The following RYR2 variants were observed in gnomAD, a reference collection of about 807,000 sequenced individuals.
The protein encoded by RYR2 is cardiac muscle ryanodine receptor-calcium release channel.
RYR2 carries 227 observed loss-of-function variants against 601.1 expected under a neutral mutation model. The observed-to-expected ratio is 0.38, with a 90% CI of 0.34 to 0.42. The LOEUF (loss-of-function observed/expected upper bound fraction) is 0.42, where lower values mean the gene tolerates loss of function less well. Among genes scored for constraint, RYR2 ranks in the 10% least tolerant of loss-of-function variants. The pLI is 1.00. For synonymous variants in RYR2, 2,223 were observed against 2,175.1 expected (o/e 1.02, Z -0.61); for missense variants, 4,646 against 6,156.5 (o/e 0.75, Z 8.21).
chr1:237,327,236 G>T (rs1326081774), intron 2 of RYR2, among the ~76,000 whole-genome samples: 1 of 152,092 alleles, frequency 6.6e-6, no homozygotes, highest in Non-Finnish European at 1.5e-5. Context: ...GCATGGTGAA[G>T]ATGACTCAGA....
chr1:237,334,437 T>TAA, intron 3 of RYR2, among the ~76,000 whole-genome samples: 1 of 121,084 alleles, frequency 8.3e-6, no homozygotes, highest in Non-Finnish European at 1.8e-5. Flanking sequence ...TCTGTTTAAT[T>TAA]AAAATATATA....
Position 237,458,573 on chromosome 1 carries a change from T to C in RYR2, c.1612+1838T>C, listed in dbSNP as rs374724132. Among the ~76,000 whole-genome samples the C allele has an allele frequency of 1.6e-4, 24 of 152,322 alleles. No individual in the cohort carries two copies. In the East Asian group the frequency reaches 3.9e-3, roughly 25 times the overall value. Reference sequence around the variant, plus strand: ...ATTTCTTATTTAGTTATAAGTGTGATTGATTTCTAAGGCAAGAATAGCACC... The same window carrying C: ...ATTTCTTATTTAGTTATAAGTGTGACTGATTTCTAAGGCAAGAATAGCACC... On this transcript the variant is annotated intron_variant, in intron 16 of 104. Coordinates refer to ENST00000366574, the MANE Select transcript of RYR2 (RefSeq NM_001035.3).
At chr1:237,525,984 A>ATAAT (rs141675986) in intron 24 of RYR2, among the ~76,000 whole-genome samples, 5 of 150,942 alleles carry the variant, frequency 3.3e-5, no homozygotes, top group Admixed American at 6.6e-5. Flanking sequence ...CCTCAAAAAA[A>ATAAT]AAAAATAATA....
At chr1:237,175,915 C>G (rs767387344) in intron 1 of RYR2, among the ~76,000 whole-genome samples, 1 of 152,102 alleles carries the variant, frequency 6.6e-6, no homozygotes, top group Non-Finnish European at 1.5e-5. Context: ...ACATTGTAGA[C>G]GTGATGTGTT....
intron 10 of RYR2, among the ~76,000 whole-genome samples, chr1:237,392,952 T>C (rs1702506690): frequency 6.6e-6 from 1 of 152,220 alleles, no homozygotes; most frequent in Non-Finnish European, 1.5e-5. Flanking sequence ...TCAAGAAGTT[T>C]ACATTCTAGT....
chr1:237,175,480 A>T (rs1023344718), intron 1 of RYR2, among the ~76,000 whole-genome samples: 1 of 151,896 alleles, frequency 6.6e-6, no homozygotes, highest in Admixed American at 6.6e-5. Flanking sequence ...TTTTCAGTGT[A>T]TGTCTGTCTC....
chr1:237,477,211 C>T (rs966961342), intron 17 of RYR2, among the ~76,000 whole-genome samples: 2 of 151,976 alleles, frequency 1.3e-5, no homozygotes, highest in South Asian at 2.1e-4. Context: ...GCCAACAAGG[C>T]GAAACCTCGT....
intron 17 of RYR2, among the ~76,000 whole-genome samples, chr1:237,488,044 G>A (rs1184950232): frequency 2.0e-5 from 3 of 152,026 alleles, no homozygotes; most frequent in African/African-American, 7.2e-5. Flanking sequence ...TGCACTTTGT[G>A]ACATACGCTA....
In RYR2 at chr1:237,176,249, AT is replaced by A. The variant is rs1348598807; in HGVS notation, c.49-94247del. Among the ~76,000 whole-genome samples, 29 of 120,324 alleles carry A rather than the reference AT, an allele frequency of 2.4e-4. No individual in the cohort carries two copies. The Middle Eastern group carries it at 0.012, about 49-fold the overall frequency. 78.9% of individuals were successfully genotyped at this position (120,324 alleles called of 152,430 possible). ...AAGACTCTGTCTCTTAATGAAAAAAATATATATATATATATAAAAAATGAAA... is the reference window on the plus strand; with the variant it reads ...AAGACTCTGTCTCTTAATGAAAAAAAATATATATATATATAAAAAATGAAA... On this transcript the variant is annotated intron_variant, in intron 1 of 104. Transcript: ENST00000366574.
At chr1:237,113,377 T>G (rs912153521) in intron 1 of RYR2, among the ~76,000 whole-genome samples, 5 of 150,038 alleles carry the variant, frequency 3.3e-5, no homozygotes, top group Admixed American at 1.3e-4. Flanking sequence ...TTTTTTGTAT[T>G]TTTAGTAGAG....
At chr1:237,664,352 A>T (rs1684091940) in intron 56 of RYR2, among the ~76,000 whole-genome samples, 1 of 152,286 alleles carries the variant, frequency 6.6e-6, no homozygotes, top group East Asian at 1.9e-4. Flanking sequence ...ATGGAAAAAA[A>T]TCTCTGCTGT....
intron 63 of RYR2, among the ~76,000 whole-genome samples, chr1:237,696,739 G>C (rs1687482497): frequency 6.6e-6 from 1 of 151,136 alleles, no homozygotes; most frequent in South Asian, 2.1e-4. Context: ...AATTACTCAG[G>C]CAGAAAACCT....
chr1:237,556,878 AC>A (rs1178662882), intron 27 of RYR2, among the ~76,000 whole-genome samples: 36 of 79,880 alleles, frequency 4.5e-4, no homozygotes, highest in Non-Finnish European at 3.0e-4. Flanking sequence ...TTTCCCTCCC[AC>A]CAAAAAAAAA....
intron 11 of RYR2, among the ~76,000 whole-genome samples, chr1:237,419,827 T>C (rs1261756713): frequency 6.6e-6 from 1 of 152,106 alleles, no homozygotes; most frequent in Non-Finnish European, 1.5e-5. Context: ...CTACATTCAG[T>C]TTAGGAGCTT....
At position 237,494,095 on chromosome 1, in the gene RYR2, A is replaced by G. The variant is rs187223868; in HGVS notation, c.1961+1008A>G. ...CCCTGTATTAGTCAGGCTTCTCTAGAGGCACAGGGCGAATAGGATAGCTGT... is the reference window on the plus strand; with the variant it reads ...CCCTGTATTAGTCAGGCTTCTCTAGGGGCACAGGGCGAATAGGATAGCTGT... On this transcript the variant is annotated intron_variant, in intron 19 of 104. Coordinates refer to ENST00000366574, the MANE Select transcript of RYR2 (RefSeq NM_001035.3). 2.7e-3 allele frequency among the ~76,000 whole-genome samples: 411 copies of G among 152,246 alleles called. 2 individuals carry two copies. Among genetic ancestry groups the G allele is most frequent in the Admixed American group, 3.7e-3 (57 of 15,290 alleles).
chr1:237,118,562 T>C (rs912644070), intron 1 of RYR2, among the ~76,000 whole-genome samples: 3 of 152,014 alleles, frequency 2.0e-5, no homozygotes, highest in Non-Finnish European at 4.4e-5. Flanking sequence ...CAGGAGCTGC[T>C]GGGAGGGAAA....
chr1:237,488,843 A>G (rs1662997076), intron 17 of RYR2, among the ~76,000 whole-genome samples: 2 of 152,160 alleles, frequency 1.3e-5, no homozygotes, highest in African/African-American at 2.4e-5. Flanking sequence ...GGTGAAATAA[A>G]CAGCCTTGTT....
chr1:237,579,257 T>TCC (rs2148354999), intron 29 of RYR2, among the ~76,000 whole-genome samples: 2 of 140,358 alleles, frequency 1.4e-5, no homozygotes, highest in Admixed American at 1.4e-4. Context: ...TCTTTTTTTT[T>TCC]TTTTTTTTTT....
At chr1:237,302,753 A>T (rs752486139) in intron 2 of RYR2, among the ~76,000 whole-genome samples, 1 of 151,992 alleles carries the variant, frequency 6.6e-6, no homozygotes, top group Non-Finnish European at 1.5e-5. Flanking sequence ...TTTGTTTTCC[A>T]TTTTTTTTCT....
Sources: allele counts gnomAD v4.1 joint callset (sites outside exome capture counted in the v4.1 genomes callset), GRCh38; gene constraint gnomAD v4.1.1; transcripts MANE v1.5; gene names NCBI Gene and HGNC (gene_info 2026-07-23, HGNC 2026-07-21).